TANC1: variants seen among roughly 807,000 people sequenced by gnomAD.
TANC1 encodes tetratricopeptide repeat, ankyrin repeat and coiled-coil containing 1, also known as protein TANC1.
TANC1 carries 77 observed loss-of-function variants against 149.7 expected under a neutral mutation model. The observed-to-expected ratio is 0.51, with a 90% CI of 0.43 to 0.62. The LOEUF is 0.62. TANC1 is among the 20% of genes least tolerant of loss of function. The pLI is 0.00. For synonymous variants in TANC1, 854 were observed against 925.0 expected (o/e 0.92, Z 1.39); for missense variants, 1,985 against 2,321.8 (o/e 0.85, Z 2.98).
chr2:159,212,183 TC>T (rs2059031680), intron 19 of TANC1, among the ~76,000 whole-genome samples: 1 of 152,268 alleles, frequency 6.6e-6, no homozygotes, highest in South Asian at 2.1e-4. Context: ...GCTTCAGATC[TC>T]ATCAAATGGA....
At position 159,196,813 on chromosome 2, in the gene TANC1, C is replaced by T; in HGVS notation, c.3165+20C>T. The T allele has an allele frequency of 1.9e-6, 3 of 1,588,672 alleles. No individual in the cohort carries two copies. The highest frequency in any genetic ancestry group is 2.6e-6 in the Non-Finnish European group (3 of 1,171,502). ...AGCTCGGTGAGTGGGGCAGGGGTTT[C>T]CCTCCTGGGAAACAAGAAGCTGTAG... On this transcript the variant is annotated intron_variant, in intron 18 of 26. Transcript: ENST00000263635.
chr2:159,100,499 G>A (rs1012200428), intron 4 of TANC1, among the ~76,000 whole-genome samples: 5 of 152,162 alleles, frequency 3.3e-5, no homozygotes, highest in Non-Finnish European at 5.9e-5. Flanking sequence ...TTCTTTGCAA[G>A]GCCTTAGAAT....
rs78808185 is a variant in TANC1 at position 159,204,789 on chromosome 2, G to A, written c.3244+5736G>A. 6.7e-3 allele frequency among the ~76,000 whole-genome samples: 1,014 copies of A among 152,338 alleles called. 33 individuals carry two copies. In the East Asian group the frequency reaches 0.1, roughly 15 times the overall value. On this transcript the variant is annotated intron_variant, in intron 19 of 26. Coordinates refer to ENST00000263635, the MANE Select transcript of TANC1 (RefSeq NM_033394.3). ...TTTAATTGTTGAATACTTTCTAAAG[G>A]AGTTTAGTCAGGTAAATAATTTTTA... is the stretch of plus-strand genomic sequence containing the variant.
chr2:159,045,517 C>T (rs993606092), intron 2 of TANC1, among the ~76,000 whole-genome samples: 4 of 152,104 alleles, frequency 2.6e-5, no homozygotes, highest in Admixed American at 6.5e-5. Context: ...AAGAAATTGT[C>T]TGCTTAAATT....
At chr2:159,026,599 C>A (rs1413162601) in intron 2 of TANC1, among the ~76,000 whole-genome samples, 1 of 152,196 alleles carries the variant, frequency 6.6e-6, no homozygotes, top group Non-Finnish European at 1.5e-5. Context: ...GAGGCTGCAT[C>A]TGGGAGGGCC....
chr2:159,176,224 CTG>C (rs1276800084), intron 12 of TANC1, 126 bp from the exon 13 acceptor site: 5 of 519,858 alleles, frequency 9.6e-6, no homozygotes, highest in Non-Finnish European at 1.3e-5. Context: ...TCTGTGAAAA[CTG>C]TTTCTTGTGC....
intron 2 of TANC1, chr2:159,056,163 C>G: frequency 4.1e-6 from 1 of 244,304 alleles, no homozygotes; most frequent in Middle Eastern, 6.6e-4. Context: ...CACTTTTGAT[C>G]CAGGACGTCA....
At chr2:159,108,754 C>A (rs1053427276) in intron 4 of TANC1, among the ~76,000 whole-genome samples, 1 of 152,104 alleles carries the variant, frequency 6.6e-6, no homozygotes, top group Non-Finnish European at 1.5e-5. Context: ...AGGGTTGTGC[C>A]AAGTGGAGGT....
intron 1 of TANC1, among the ~76,000 whole-genome samples, chr2:158,981,522 TATATATATATATATATATATAAA>T (rs1488078221): frequency 2.5e-5 from 3 of 120,950 alleles, no homozygotes; most frequent in Admixed American, 1.6e-4. Flanking sequence ...TATATATATA[TATATATATATATATATATATAAA>T]GAAGTAACAG....
intron 4 of TANC1, among the ~76,000 whole-genome samples, chr2:159,101,889 C>T (rs1035149325): frequency 6.6e-6 from 1 of 152,124 alleles, no homozygotes; most frequent in South Asian, 2.1e-4. Context: ...GACAAGTGGG[C>T]GATACTGCCC....
intron 2 of TANC1, among the ~76,000 whole-genome samples, chr2:159,038,022 T>C (rs1331805945): frequency 6.6e-6 from 1 of 152,250 alleles, no homozygotes; most frequent in African/African-American, 2.4e-5. Flanking sequence ...GTGTCCTCTT[T>C]TATTTCGTTG....
Position 159,219,381 on chromosome 2 carries a change from A to C in TANC1, c.3502+20A>C, listed in dbSNP as rs771466749. On this transcript the variant is annotated intron_variant, in intron 21 of 26. Transcript: ENST00000263635. Reference sequence around the variant, plus strand: ...CAAAAGGTAGCAGCGTGATGCCCTCAAAGGTTTCTTTTGGACGGACACAGA... The same window carrying C: ...CAAAAGGTAGCAGCGTGATGCCCTCCAAGGTTTCTTTTGGACGGACACAGA... 2.5e-6 allele frequency: 4 copies of C among 1,610,612 alleles called. No homozygotes were observed. Among genetic ancestry groups the C allele is most frequent in the Middle Eastern group, 1.7e-4 (1 of 6,052 alleles).
chr2:159,067,333 T>A (rs1190960493), intron 3 of TANC1, among the ~76,000 whole-genome samples: 1 of 152,236 alleles, frequency 6.6e-6, no homozygotes. Context: ...GCAAGGCTGC[T>A]GTTAAAGCTT....
chr2:159,209,968 A>G (rs1384404430), intron 19 of TANC1, among the ~76,000 whole-genome samples: 1 of 152,112 alleles, frequency 6.6e-6, no homozygotes, highest in Non-Finnish European at 1.5e-5. Context: ...AGAGGCCAGG[A>G]TAATAGGAAG....
chr2:158,994,529 C>T (rs1358536877), intron 1 of TANC1, among the ~76,000 whole-genome samples: 1 of 152,170 alleles, frequency 6.6e-6, no homozygotes, highest in African/African-American at 2.4e-5. Context: ...CCTTGGCTTC[C>T]CCAAGTGCTG....
intron 1 of TANC1, among the ~76,000 whole-genome samples, chr2:158,989,074 A>G (rs143506933): frequency 2.6e-5 from 4 of 152,294 alleles, no homozygotes; most frequent in Admixed American, 1.3e-4. Context: ...GGGAGAGCAC[A>G]CTGGGGGAAA....
chr2:159,227,176 T>A (rs2060071933), intron 24 of TANC1: 1 of 152,230 alleles, frequency 6.6e-6, no homozygotes, highest in Non-Finnish European at 1.5e-5. Flanking sequence ...AGTGTATTGT[T>A]GTGGCTTTGA....
At position 159,229,795 on chromosome 2, in the gene TANC1, G is replaced by C; in HGVS notation, c.4369G>C (p.Glu1457Gln). Residue 1457 changes from glutamate to glutamine, a missense_variant, in exon 27 of 27, where the codon GAG (glutamate) becomes CAG (glutamine). Glu to Gln is a conservative substitution (Grantham distance 29). This residue lies in a region of TANC1 where 920 missense variants were observed against 994.7 expected (regional missense o/e 0.92). Coordinates refer to ENST00000263635, the MANE Select transcript of TANC1 (RefSeq NM_033394.3). ...TGGCTTAAGTGACCACTTTCACTCT[G>C]AGGAGACTGAAGAGGAAGAAACTTC... ...TPGLSDHFHS[E>Q]ETEEEETSPQ... 1 of 1,613,696 alleles carries C rather than the reference G, an allele frequency of 6.2e-7. No homozygotes were observed. Among genetic ancestry groups the C allele is most frequent in the Non-Finnish European group, 8.5e-7 (1 of 1,179,990 alleles).
At chr2:159,064,221 C>T (rs537653237) in intron 2 of TANC1, among the ~76,000 whole-genome samples, 5 of 152,272 alleles carry the variant, frequency 3.3e-5, no homozygotes, top group Admixed American at 1.3e-4. Context: ...TGTTTTCCAT[C>T]GGTTCCATAT....
Sources: gnomAD v4.1 joint callset for allele counts (sites outside exome capture counted in the v4.1 genomes callset) on GRCh38, gnomAD v4.1.1 for gene constraint, gnomAD v4.1.1 regional missense constraint, MANE v1.5 for transcripts, NCBI Gene and HGNC (gene_info 2026-07-23, HGNC 2026-07-21) for gene names.